The following ZNF385D variants were observed in gnomAD, a reference collection of about 807,000 sequenced individuals.
The protein encoded by ZNF385D is zinc finger protein 385D, also known as zinc finger protein 659.
In ZNF385D, 15 loss-of-function variants were observed where a neutral mutation model predicts 35.8. The ratio of observed to expected loss-of-function variants is 0.42; its 90% CI spans 0.28 to 0.64. The LOEUF is 0.64. ZNF385D is among the 30% of genes least tolerant of loss of function. The pLI is 0.23. For missense variants in ZNF385D, 474 were observed against 494.6 expected (o/e 0.96, Z 0.39); for synonymous variants, 212 against 186.8 (o/e 1.13, Z -1.10).
intron 3 of ZNF385D, among the ~76,000 whole-genome samples, chr3:21,843,953 G>A (rs1695840339): frequency 6.6e-6 from 1 of 151,900 alleles, no homozygotes; most frequent in Admixed American, 6.6e-5. Flanking sequence ...AGGAACTCTA[G>A]TAGGGAGATA....
At chr3:22,142,934 T>C (rs1367265510) in intron 3 of ZNF385D, among the ~76,000 whole-genome samples, 1 of 152,118 alleles carries the variant, frequency 6.6e-6, no homozygotes, top group Non-Finnish European at 1.5e-5. Context: ...GATACTGCAC[T>C]ATTACTTGTA....
intron 3 of ZNF385D, among the ~76,000 whole-genome samples, chr3:21,519,886 A>C (rs543976251): frequency 2.0e-5 from 3 of 152,260 alleles, no homozygotes; most frequent in Non-Finnish European, 4.4e-5. Flanking sequence ...AGAAATGTTC[A>C]CTCTAATTAT....
At chr3:22,220,604 C>G (rs1698193580) in intron 2 of ZNF385D, among the ~76,000 whole-genome samples, 2 of 152,130 alleles carry the variant, frequency 1.3e-5, no homozygotes, top group African/African-American at 4.8e-5. Flanking sequence ...TGTAAATTTA[C>G]TTTTAGAATT....
chr3:21,758,964 A>G (rs2070469763), intron 3 of ZNF385D, among the ~76,000 whole-genome samples: 1 of 120,668 alleles, frequency 8.3e-6, no homozygotes, highest in African/African-American at 3.2e-5. Context: ...TATAACCATC[A>G]TCATCACTGG....
intron 2 of ZNF385D, among the ~76,000 whole-genome samples, chr3:21,613,001 T>C (rs1381588308): frequency 0.027 from 4,100 of 151,238 alleles, 192 homozygotes; most frequent in African/African-American, 0.094. Flanking sequence ...TTCTTTTTTT[T>C]TTTTTTTCAA....
chr3:21,703,754 A>T (rs113361087), intron 1 of ZNF385D, among the ~76,000 whole-genome samples: 3 of 151,566 alleles, frequency 2.0e-5, no homozygotes, highest in Non-Finnish European at 4.4e-5. Context: ...TATGCTGGTG[A>T]GTTGGCCAAA....
chr3:22,041,794 T>C (rs1698679971), intron 3 of ZNF385D, among the ~76,000 whole-genome samples: 1 of 152,056 alleles, frequency 6.6e-6, no homozygotes, highest in African/African-American at 2.4e-5. Flanking sequence ...TAAATGTGCT[T>C]GGAGGACATA....
chr3:21,421,357 C>T lies in ZNF385D; in HGVS notation c.1045G>A (p.Val349Met), dbSNP rs532679293. Reference sequence around the variant, plus strand: ...AGACTGAAGGGGGAACTCACTGCCACTGCTGCTGCGGCTGCTGCAGCTGCT... The same window carrying T: ...AGACTGAAGGGGGAACTCACTGCCATTGCTGCTGCGGCTGCTGCAGCTGCT... Reference protein sequence around the residue: ...PLAAAAAAAAVAVSSPFSLRT... With the variant: ...PLAAAAAAAAMAVSSPFSLRT... The change falls in exon 8 of 8, where the codon GTG becomes ATG. Residue 349 changes from valine (V) to methionine (M), a missense_variant. Val to Met is a conservative substitution (Grantham distance 21, BLOSUM62 1). Coordinates refer to ENST00000281523, the MANE Select transcript of ZNF385D (RefSeq NM_024697.3). 5.6e-6 allele frequency: 9 copies of T among 1,613,548 alleles called. No individual in the cohort carries two copies. In the African/African-American group the frequency reaches 6.7e-5, roughly 12 times the overall value.
intron 3 of ZNF385D, among the ~76,000 whole-genome samples, chr3:22,045,861 G>A (rs531748899): frequency 2.6e-5 from 4 of 151,994 alleles, no homozygotes; most frequent in South Asian, 4.2e-4. Flanking sequence ...CTCAAAACTC[G>A]AGCTCTTTGC....
intron 1 of ZNF385D, among the ~76,000 whole-genome samples, chr3:21,732,336 G>A (rs2069059590): frequency 1.3e-5 from 2 of 152,100 alleles, no homozygotes; most frequent in South Asian, 4.2e-4. Context: ...ACAGGCGTGA[G>A]CCACCGTGCC....
chr3:22,024,586 A>G (rs1436184773), intron 3 of ZNF385D, among the ~76,000 whole-genome samples: 1 of 152,158 alleles, frequency 6.6e-6, no homozygotes, highest in Non-Finnish European at 1.5e-5. Context: ...AGAACATACT[A>G]TTATATTCTT....
Position 22,165,482 on chromosome 3 carries a change from G to C in ZNF385D, c.325+3335C>G, listed in dbSNP as rs145839442. On this transcript the variant is annotated intron_variant, in intron 3 of 5. Transcript: ENST00000494108. The stretch of plus-strand genomic sequence containing the variant: ...GGCTGGATAAGGCAAAAAATACTCA[G>C]CAAAATCATGTGGGAAAATATTTTT... Among the ~76,000 whole-genome samples, 231 of 152,192 alleles carry C rather than the reference G, an allele frequency of 1.5e-3. 2 individuals carry two copies. Among genetic ancestry groups the C allele is most frequent in the African/African-American group, 5.4e-3 (225 of 41,544 alleles).
At chr3:22,254,146 A>G (rs571933055) in intron 2 of ZNF385D, among the ~76,000 whole-genome samples, 3 of 152,014 alleles carry the variant, frequency 2.0e-5, no homozygotes, top group African/African-American at 7.2e-5. Context: ...ATGATCAGTT[A>G]AAGAGAGAAA....
At chr3:22,232,991 T>C (rs1698982444) in intron 2 of ZNF385D, among the ~76,000 whole-genome samples, 1 of 152,192 alleles carries the variant, frequency 6.6e-6, no homozygotes, top group South Asian at 2.1e-4. Flanking sequence ...TTGTTTTAAA[T>C]TCTAAGTTTA....
At chr3:21,705,006 G>C (rs1161739397) in intron 1 of ZNF385D, among the ~76,000 whole-genome samples, 2 of 152,156 alleles carry the variant, frequency 1.3e-5, no homozygotes, top group East Asian at 1.9e-4. Context: ...TCATCTGTAA[G>C]GGGCAGTTGG....
intron 1 of ZNF385D, among the ~76,000 whole-genome samples, chr3:21,706,677 T>G (rs1459166566): frequency 1.3e-5 from 2 of 152,136 alleles, no homozygotes; most frequent in Non-Finnish European, 2.9e-5. Context: ...TCAGTTATAG[T>G]TAAGACCAAT....
At chr3:21,718,523 T>C (rs1037335283) in intron 1 of ZNF385D, among the ~76,000 whole-genome samples, 3 of 152,226 alleles carry the variant, frequency 2.0e-5, no homozygotes, top group Non-Finnish European at 4.4e-5. Flanking sequence ...ACACATATTA[T>C]CTTATTTAAT....
intron 3 of ZNF385D, among the ~76,000 whole-genome samples, chr3:21,548,623 A>C (rs547672998): frequency 2.6e-5 from 4 of 152,138 alleles, no homozygotes; most frequent in African/African-American, 9.7e-5. Context: ...AGTGGCTCTC[A>C]ATTTTTAAAT....
At chr3:22,044,044 A>G (rs1698834600) in intron 3 of ZNF385D, among the ~76,000 whole-genome samples, 1 of 152,044 alleles carries the variant, frequency 6.6e-6, no homozygotes, top group Non-Finnish European at 1.5e-5. Flanking sequence ...TGCTTTAAAG[A>G]GGAACAAAGA....
Sources: allele counts gnomAD v4.1 joint callset (sites outside exome capture counted in the v4.1 genomes callset), GRCh38; gene constraint gnomAD v4.1.1; transcripts MANE v1.5; gene names NCBI Gene and HGNC (gene_info 2026-07-23, HGNC 2026-07-21).